FBXL7: variants seen among roughly 807,000 people sequenced by gnomAD.
FBXL7 encodes F-box and leucine rich repeat protein 7.
In FBXL7, 12 loss-of-function variants were observed where a neutral mutation model predicts 38.3. The observed-to-expected ratio is 0.31, with a 90% CI of 0.20 to 0.51. The LOEUF (loss-of-function observed/expected upper bound fraction) is 0.51. Ranked by LOEUF, FBXL7 falls within the 20% of genes least tolerant of loss-of-function variation. FBXL7 has a pLI of 0.98. For synonymous variants in FBXL7, 297 were observed against 300.9 expected (o/e 0.99, Z 0.13); for missense variants, 567 against 676.4 (o/e 0.84, Z 1.79).
chr5:15,830,645 G>A (rs1048720545), intron 2 of FBXL7, among the ~76,000 whole-genome samples: 5 of 152,122 alleles, frequency 3.3e-5, no homozygotes, highest in Non-Finnish European at 7.4e-5. Flanking sequence ...CCAGACTGGG[G>A]CCCACCACTG....
At chr5:15,835,354 C>T (rs762028348) in intron 2 of FBXL7, among the ~76,000 whole-genome samples, 2 of 151,848 alleles carry the variant, frequency 1.3e-5, no homozygotes, top group African/African-American at 2.4e-5. Flanking sequence ...ATAATTAGAC[C>T]TTGAATGAGA....
At chr5:15,501,688 C>G (rs763634119) in intron 1 of FBXL7, 10 of 985,462 alleles carry the variant, frequency 1.0e-5, no homozygotes, top group Non-Finnish European at 1.1e-5. Flanking sequence ...AAACTCTTAT[C>G]ATCCTGTTCG....
intron 1 of FBXL7, among the ~76,000 whole-genome samples, chr5:15,548,190 G>A (rs1737970555): frequency 6.6e-6 from 1 of 152,184 alleles, no homozygotes; most frequent in Non-Finnish European, 1.5e-5. Context: ...GGAGTAATGA[G>A]ATCAAAAGCC....
chr5:15,680,570 C>A (rs1235808999), intron 2 of FBXL7, among the ~76,000 whole-genome samples: 1 of 151,892 alleles, frequency 6.6e-6, no homozygotes, highest in Non-Finnish European at 1.5e-5. Flanking sequence ...ATTAACATAC[C>A]CATAGTAGGG....
intron 1 of FBXL7, among the ~76,000 whole-genome samples, chr5:15,609,649 C>T (rs1214607619): frequency 2.6e-5 from 4 of 152,228 alleles, no homozygotes. Flanking sequence ...AAGCCCCCAA[C>T]AGACTTTCCT....
intron 2 of FBXL7, among the ~76,000 whole-genome samples, chr5:15,801,553 C>T (rs1296631961): frequency 2.6e-5 from 4 of 151,976 alleles, no homozygotes; most frequent in Non-Finnish European, 2.9e-5. Context: ...AATCCTTCAT[C>T]TTGGTATCTG....
At chr5:15,877,083 A>G (rs1740241666) in intron 2 of FBXL7, among the ~76,000 whole-genome samples, 1 of 152,206 alleles carries the variant, frequency 6.6e-6, no homozygotes, top group African/African-American at 2.4e-5. Context: ...CTGATCACAT[A>G]GCTAGTTACT....
chr5:15,556,282 C>T (rs1454729036), intron 1 of FBXL7, among the ~76,000 whole-genome samples: 2 of 152,006 alleles, frequency 1.3e-5, no homozygotes, highest in East Asian at 3.9e-4. Flanking sequence ...GGTGTAACTC[C>T]CAGTCCAAGG....
In FBXL7 at chr5:15,937,610, C is replaced by T. The variant is rs1314957372; in HGVS notation, c.*424C>T. The T allele has an allele frequency of 5.4e-6, 1 of 185,060 alleles. No homozygotes were observed. Among genetic ancestry groups the T allele is most frequent in the African/African-American group, 2.4e-5 (1 of 40,872 alleles). The allele number at this position is 185,060 out of a possible 1,614,324, so 11.5% of individuals were successfully genotyped here. On this transcript the variant is annotated 3_prime_UTR_variant, in exon 4 of 4. Coordinates refer to ENST00000504595, the MANE Select transcript of FBXL7 (RefSeq NM_012304.5). Reference sequence around the variant, plus strand: ...CAGCGAGGATCCATCATCAGAATCACAGTGCTCTCCAGACCTCCTCTCTAA... The same window carrying T: ...CAGCGAGGATCCATCATCAGAATCATAGTGCTCTCCAGACCTCCTCTCTAA...
At chr5:15,925,549 A>G (rs1427435800) in intron 2 of FBXL7, among the ~76,000 whole-genome samples, 1 of 152,224 alleles carries the variant, frequency 6.6e-6, no homozygotes, top group East Asian at 1.9e-4. Flanking sequence ...AAATTTTTGT[A>G]TTGCATGTTA....
chr5:15,596,496 C>T (rs933993180), intron 1 of FBXL7, among the ~76,000 whole-genome samples: 4 of 151,960 alleles, frequency 2.6e-5, no homozygotes, highest in African/African-American at 9.7e-5. Context: ...GACCCTGTCT[C>T]CACAAAAATA....
chr5:15,682,113 G>C (rs762869255), intron 2 of FBXL7, among the ~76,000 whole-genome samples: 10 of 152,208 alleles, frequency 6.6e-5, no homozygotes, highest in Non-Finnish European at 1.0e-4. Flanking sequence ...GAGGCAGGGT[G>C]GGGGACAGAA....
At chr5:15,705,662 C>T (rs991141056) in intron 2 of FBXL7, among the ~76,000 whole-genome samples, 5 of 152,252 alleles carry the variant, frequency 3.3e-5, no homozygotes, top group African/African-American at 9.6e-5. Flanking sequence ...TCAGCCCTCA[C>T]ATTTTGACAT....
Position 15,936,707 on chromosome 5 carries a change from G to T in FBXL7, c.997G>T (p.Asp333Tyr), listed in dbSNP as rs1742200986. The change falls in exon 4 of 4, where the codon GAC becomes TAC. Residue 333 changes from aspartate to tyrosine, a missense_variant. By Grantham distance (160) the Asp-to-Tyr change is radical. Coordinates refer to ENST00000504595, the MANE Select transcript of FBXL7 (RefSeq NM_012304.5). The surrounding 1 kb of genome is among the most constrained non-coding windows in gnomAD (Gnocchi z 6.0). The part of the protein sequence containing the change: ...CASIKELSVS[D>Y]CRFVSDFGLR... ...CTCCATCAAGGAGCTGAGCGTCAGC[G>T]ACTGCCGCTTCGTCAGCGACTTCGG... is the stretch of plus-strand genomic sequence containing the variant. The T allele has an allele frequency of 6.2e-7, 1 of 1,608,040 alleles. No individual in the cohort carries two copies. Among genetic ancestry groups the T allele is most frequent in the South Asian group, 1.1e-5 (1 of 90,914 alleles).
intron 2 of FBXL7, among the ~76,000 whole-genome samples, chr5:15,733,964 G>C (rs1735679434): frequency 6.6e-6 from 1 of 151,998 alleles, no homozygotes; most frequent in Admixed American, 6.5e-5. Flanking sequence ...AAAATTACCT[G>C]GGCTTGGTGG....
chr5:15,517,216 C>T (rs145019019), intron 1 of FBXL7, among the ~76,000 whole-genome samples: 2,069 of 151,942 alleles, frequency 0.014, 23 homozygotes, highest in Admixed American at 0.022. Flanking sequence ...TTAGTAGAGA[C>T]GGGGTTTCAC....
intron 2 of FBXL7, among the ~76,000 whole-genome samples, chr5:15,807,465 C>T (rs1390418463): frequency 6.6e-6 from 1 of 152,040 alleles, no homozygotes; most frequent in South Asian, 2.1e-4. Flanking sequence ...TGTGGAGAAG[C>T]CAGAAGCCAT....
At chr5:15,863,272 A>C (rs1739557266) in intron 2 of FBXL7, among the ~76,000 whole-genome samples, 1 of 152,236 alleles carries the variant, frequency 6.6e-6, no homozygotes, top group African/African-American at 2.4e-5. Flanking sequence ...CCCTAAAATT[A>C]AAGATTTTCA....
At chr5:15,901,538 C>G (rs750088921) in intron 2 of FBXL7, among the ~76,000 whole-genome samples, 4 of 152,118 alleles carry the variant, frequency 2.6e-5, no homozygotes, top group Non-Finnish European at 2.9e-5. Flanking sequence ...AGTTCCTTCC[C>G]TTGTTATCAT....
Sources: allele counts gnomAD v4.1 joint callset (sites outside exome capture counted in the v4.1 genomes callset), GRCh38; gene constraint gnomAD v4.1.1; non-coding constraint Gnocchi (gnomAD v3.1); transcripts MANE v1.5; gene names NCBI Gene and HGNC (gene_info 2026-07-23, HGNC 2026-07-21).